The following PUM2 variants were observed in gnomAD, a reference collection of about 807,000 sequenced individuals.
PUM2 encodes pumilio RNA binding family member 2.
PUM2 carries 57 observed loss-of-function variants against 124.5 expected under a neutral mutation model. The observed-to-expected ratio is 0.46, with a 90% CI of 0.37 to 0.57. PUM2 has a LOEUF of 0.57. Among genes scored for constraint, PUM2 ranks in the 20% least tolerant of loss-of-function variants. The probability of loss-of-function intolerance (pLI) is 0.00; values close to 1 mark genes in which losing one functional copy is unlikely to be tolerated. For missense variants in PUM2, 1,065 were observed against 1,290.6 expected (o/e 0.83, Z 2.68); for synonymous variants, 460 against 446.1 (o/e 1.03, Z -0.39).
rs757661445 is a variant in PUM2 at position 20,248,781 on chromosome 2, T to C, written c.*2804A>G. Reference sequence around the variant, plus strand: ...TTCACACATTTTTCATTTTCTAATTTATACATAATATACAAAGAAGTGAAG... The same window carrying C: ...TTCACACATTTTTCATTTTCTAATTCATACATAATATACAAAGAAGTGAAG... On this transcript the variant is annotated 3_prime_UTR_variant, in exon 21 of 21. Coordinates refer to ENST00000361078, the MANE Select transcript of PUM2 (RefSeq NM_015317.5). 1 of 152,658 alleles carries C rather than the reference T, an allele frequency of 6.6e-6. No individual in the cohort carries two copies. Among genetic ancestry groups the C allele is most frequent in the African/African-American group, 2.4e-5 (1 of 41,456 alleles). 9.5% of individuals were successfully genotyped at this position (152,658 alleles called of 1,614,324 possible). A position where few individuals can be genotyped will look rare whatever the true frequency, so the allele number is the denominator to read the frequency against.
rs377409474 is a variant in PUM2, at chr2:20,330,006, G to GA, written c.-18-2629dup. ...TGGACACCAGAGGAAAGATAAATAA[G>GA]AAAAAAAAAATTCCACACTTACAGT... On this transcript the variant is annotated intron_variant, in intron 1 of 20. Coordinates refer to ENST00000361078, the MANE Select transcript of PUM2 (RefSeq NM_015317.5). 1.7e-4 allele frequency among the ~76,000 whole-genome samples: 23 copies of GA among 139,178 alleles called. No individual in the cohort carries two copies. The East Asian group carries it at 1.7e-3, about 10-fold the overall frequency. The allele number at this position is 139,178 out of a possible 152,430, so 91.3% of individuals were successfully genotyped here. A position where few individuals can be genotyped will look rare whatever the true frequency, so the allele number is the denominator to read the frequency against.
intron 7 of PUM2, among the ~76,000 whole-genome samples, chr2:20,306,983 G>T (rs986532513): frequency 2.6e-5 from 4 of 151,910 alleles, no homozygotes; most frequent in Admixed American, 6.5e-5. Flanking sequence ...GGAGGCCGAG[G>T]GGGGGCTGAT....
intron 1 of PUM2, among the ~76,000 whole-genome samples, chr2:20,336,293 C>T (rs1375306046): frequency 2.0e-5 from 3 of 151,584 alleles, no homozygotes; most frequent in Non-Finnish European, 2.9e-5. Context: ...GCTAGTGATC[C>T]ATCTACTCAG....
chr2:20,252,443 G>T (rs1663658050), intron 20 of PUM2, among the ~76,000 whole-genome samples: 1 of 152,128 alleles, frequency 6.6e-6, no homozygotes. Context: ...TCAAGTTGAA[G>T]AATGAATTTT....
intron 1 of PUM2, among the ~76,000 whole-genome samples, chr2:20,345,622 C>G (rs1477181541): frequency 6.6e-6 from 1 of 152,110 alleles, no homozygotes; most frequent in Non-Finnish European, 1.5e-5. Context: ...GCCTGTAATC[C>G]CAGCATTTTG....
chr2:20,284,457 A>G (rs1428917164), intron 10 of PUM2, among the ~76,000 whole-genome samples: 1 of 152,096 alleles, frequency 6.6e-6, no homozygotes, highest in Non-Finnish European at 1.5e-5. Flanking sequence ...CTGGGCTTAC[A>G]TGATCCTCCC....
In PUM2 at chr2:20,293,071, A is replaced by C. The variant is rs561477188; in HGVS notation, c.1152+1305T>G. 9.3e-4 allele frequency among the ~76,000 whole-genome samples: 141 copies of C among 152,366 alleles called. 2 individuals are homozygous for C. The highest frequency in any genetic ancestry group is 3.3e-3 in the African/African-American group (136 of 41,592). On this transcript the variant is annotated intron_variant, in intron 9 of 20. Transcript: ENST00000361078. ...AGGATTCAGAAGCCTTAATAAGAGTAAAAGCTGCTTTTAAACATATTTTTA... is the reference window on the plus strand; with the variant it reads ...AGGATTCAGAAGCCTTAATAAGAGTCAAAGCTGCTTTTAAACATATTTTTA...
intron 1 of PUM2, among the ~76,000 whole-genome samples, chr2:20,327,677 T>C (rs369678680): frequency 6.6e-6 from 1 of 152,038 alleles, no homozygotes; most frequent in East Asian, 1.9e-4. Flanking sequence ...AAGAAAGGAG[T>C]AGCACAGAGT....
At position 20,308,554 on chromosome 2, in the gene PUM2, TGGAGAGGCTTGACGACTTCCA is replaced by T; in HGVS notation, c.528_548del (p.Gly177_Pro183del). 1 of 1,613,822 alleles carries T rather than the reference TGGAGAGGCTTGACGACTTCCA, an allele frequency of 6.2e-7. No individual in the cohort carries two copies. Among genetic ancestry groups the T allele is most frequent in the Non-Finnish European group, 8.5e-7 (1 of 1,179,812 alleles). ...GGCCCAAGCGCTCAACTACTTCAGT[TGGAGAGGCTTGACGACTTCCA>T]GGAGTACGACTACATAAAGAAAATA... is the stretch of plus-strand genomic sequence containing the variant. On this transcript the variant is annotated inframe_deletion, in exon 6 of 21. Transcript: ENST00000361078.
chr2:20,350,701 A>G lies in PUM2; in HGVS notation c.-123T>C. The G allele has an allele frequency of 1.0e-6, 1 of 982,548 alleles. No homozygotes were observed. The highest frequency in any genetic ancestry group is 1.8e-5 in the African/African-American group (1 of 56,580). 60.9% of individuals were successfully genotyped at this position (982,548 alleles called of 1,614,324 possible). A position where few individuals can be genotyped will look rare whatever the true frequency, so the allele number is the denominator to read the frequency against. ...CCCTCCTCCGCCTTCGGTGGCGGCA[A>G]TGTCTTCTTTCTCCACCTACCACCC... On this transcript the variant is annotated 5_prime_UTR_variant, in exon 1 of 21. Transcript: ENST00000361078.
At chr2:20,288,325 T>C (rs1426554894) in intron 10 of PUM2, among the ~76,000 whole-genome samples, 1 of 152,060 alleles carries the variant, frequency 6.6e-6, no homozygotes, top group East Asian at 1.9e-4. Context: ...TTGGACACAG[T>C]CAACAGGGTG....
intron 12 of PUM2, among the ~76,000 whole-genome samples, chr2:20,281,590 G>A (rs1671535781): frequency 1.3e-5 from 2 of 152,008 alleles, no homozygotes; most frequent in Non-Finnish European, 2.9e-5. Context: ...GGATTCTTTG[G>A]AGAAAATGTC....
chr2:20,278,155 C>A (rs1245524587), intron 13 of PUM2, among the ~76,000 whole-genome samples: 1 of 152,094 alleles, frequency 6.6e-6, no homozygotes, highest in Non-Finnish European at 1.5e-5. Flanking sequence ...GGTAAAATGG[C>A]CAGGCATAGA....
At position 20,290,166 on chromosome 2, in the gene PUM2, C is replaced by T. The variant is rs191343343; in HGVS notation, c.1291+486G>A. 3.2e-3 allele frequency among the ~76,000 whole-genome samples: 488 copies of T among 152,204 alleles called. 2 individuals carry two copies. Among genetic ancestry groups the T allele is most frequent in the African/African-American group, 0.011 (474 of 41,528 alleles). Reference sequence around the variant, plus strand: ...TACTAGGCTTTCAAAGACACATTATCGACACTGTTGCTATTAAGTTATAAA... The same window carrying T: ...TACTAGGCTTTCAAAGACACATTATTGACACTGTTGCTATTAAGTTATAAA... On this transcript the variant is annotated intron_variant, in intron 10 of 20. Coordinates refer to ENST00000361078, the MANE Select transcript of PUM2 (RefSeq NM_015317.5).
chr2:20,318,505 T>G, intron 3 of PUM2, 32 bp downstream of exon 3: 1 of 1,534,132 alleles, frequency 6.5e-7, no homozygotes, highest in South Asian at 1.2e-5. Context: ...CTAAATATAT[T>G]CACAATTCTC....
At position 20,312,415 on chromosome 2, in the gene PUM2, TTGAA is replaced by T; in HGVS notation, c.165_168del (p.His55GlnfsTer22). The stretch of plus-strand genomic sequence containing the variant: ...CTCTGTACCATAATAGGCTGGGACA[TTGAA>T]TGGTCTGTTTGGAAGAAAAAACACA... On this transcript the variant is annotated frameshift_variant, in exon 4 of 21. Coordinates refer to ENST00000361078, the MANE Select transcript of PUM2 (RefSeq NM_015317.5). LOFTEE classifies it high-confidence loss of function. The T allele has an allele frequency of 6.2e-7, 1 of 1,612,888 alleles. No individual in the cohort carries two copies. The highest frequency in any genetic ancestry group is 8.5e-7 in the Non-Finnish European group (1 of 1,179,440).
chr2:20,306,672 A>G (rs1054196153), intron 7 of PUM2, among the ~76,000 whole-genome samples: 6 of 146,760 alleles, frequency 4.1e-5, no homozygotes, highest in African/African-American at 1.5e-4. Context: ...GCAGTGGTGC[A>G]ATCTTGCTTC....
At chr2:20,320,173 G>C (rs761339643) in intron 2 of PUM2, among the ~76,000 whole-genome samples, 1 of 152,164 alleles carries the variant, frequency 6.6e-6, no homozygotes, top group Non-Finnish European at 1.5e-5. Context: ...GGCTGAGGCA[G>C]AGAAATGCTT....
rs140842746 is a variant in PUM2 at position 20,265,775 on chromosome 2, C to A, written c.1958-2315G>T. Among the ~76,000 whole-genome samples, 141 of 152,256 alleles carry A rather than the reference C, an allele frequency of 9.3e-4. 2 individuals carry two copies. Among genetic ancestry groups the A allele is most frequent in the African/African-American group, 3.3e-3 (136 of 41,546 alleles). On this transcript the variant is annotated intron_variant, in intron 13 of 20. Coordinates refer to ENST00000361078, the MANE Select transcript of PUM2 (RefSeq NM_015317.5). ...CTAGTTTTCAAGTCATTAATCCAAA[C>A]CTATTTTTCACACAAATTTCTTAGT...
Sources: allele counts gnomAD v4.1 joint callset (sites outside exome capture counted in the v4.1 genomes callset), GRCh38; gene constraint gnomAD v4.1.1; transcripts MANE v1.5; gene names NCBI Gene and HGNC (gene_info 2026-07-23, HGNC 2026-07-21).